PCDHA6: variants seen among roughly 807,000 people sequenced by gnomAD.
The protein encoded by PCDHA6 is protocadherin alpha 6, also known as protocadherin alpha-6.
PCDHA6 carries 55 observed loss-of-function variants against 60.3 expected under a neutral mutation model. The ratio of observed to expected loss-of-function variants is 0.91; its 90% CI spans 0.73 to 1.14. PCDHA6 has a LOEUF of 1.14. Ranked by LOEUF, PCDHA6 falls within the 50% of genes most tolerant of loss-of-function variation. The pLI is 0.00. For missense variants in PCDHA6, 1,327 were observed against 1,256.5 expected (o/e 1.06, Z -0.85); for synonymous variants, 652 against 557.9 (o/e 1.17, Z -2.38).
At chr5:140,835,408 A>T (rs2150235029) in intron 1 of PCDHA6, 3 of 1,614,004 alleles carry the variant, frequency 1.9e-6, no homozygotes, top group Non-Finnish European at 2.5e-6. Flanking sequence ...GAAGTTGTGG[A>T]TGTAAATGAC....
intron 1 of PCDHA6, among the ~76,000 whole-genome samples, chr5:140,832,430 A>G (rs1250957305): frequency 6.6e-6 from 1 of 152,222 alleles, no homozygotes; most frequent in Non-Finnish European, 1.5e-5. Context: ...AGTACATGAT[A>G]ATTTTTAAGC....
In PCDHA6 at chr5:140,839,940, AAGG is replaced by A. The variant is rs1354823324; in HGVS notation, c.2394+9458_2394+9460del. ...AACCTTGAACAAAGAGTGTGCCAAG[AAGG>A]AGACAACATATTTTCTGTAAAATAT... is the stretch of plus-strand genomic sequence containing the variant. On this transcript the variant is annotated intron_variant, in intron 1 of 3. Coordinates refer to ENST00000529310, the MANE Select transcript of PCDHA6 (RefSeq NM_018909.4). Among the ~76,000 whole-genome samples the A allele has an allele frequency of 2.0e-5, 3 of 152,174 alleles. No homozygotes were observed. In the East Asian group the frequency reaches 5.8e-4, roughly 29 times the overall value.
intron 1 of PCDHA6, chr5:140,857,675 C>A: frequency 1.3e-6 from 2 of 1,597,044 alleles, no homozygotes; most frequent in Non-Finnish European, 1.7e-6. Context: ...GGGCGTGCCG[C>A]CTCTGGGCAG....
At chr5:140,927,395 A>G (rs782188555) in intron 1 of PCDHA6, 3 of 1,614,194 alleles carry the variant, frequency 1.9e-6, no homozygotes, top group South Asian at 2.2e-5. Context: ...CCCAGTCAGC[A>G]CTTTCGCCTG....
chr5:140,951,150 ATAGT>A (rs33995910), intron 1 of PCDHA6, among the ~76,000 whole-genome samples: 85,202 of 151,324 alleles, frequency 0.56, 24,547 homozygotes, highest in African/African-American at 0.69. Context: ...CTTATTGAAT[ATAGT>A]TATAGTAGCT....
chr5:141,008,400 T>A (rs1347375750), intron 3 of PCDHA6, among the ~76,000 whole-genome samples: 3 of 152,082 alleles, frequency 2.0e-5, no homozygotes, highest in African/African-American at 7.2e-5. Context: ...GATGTCAGAG[T>A]TCCAATGTCA....
At chr5:140,892,350 T>C (rs1195187313) in intron 1 of PCDHA6, among the ~76,000 whole-genome samples, 1 of 152,262 alleles carries the variant, frequency 6.6e-6, no homozygotes, top group Non-Finnish European at 1.5e-5. Context: ...AATTGACTTT[T>C]GCCAGGCATC....
At chr5:140,838,077 AG>A (rs1404623081) in intron 1 of PCDHA6, among the ~76,000 whole-genome samples, 4 of 80,664 alleles carry the variant, frequency 5.0e-5, no homozygotes, top group African/African-American at 1.8e-4. Context: ...ATATATATAT[AG>A]TGTGTGTGTG....
In PCDHA6 at chr5:140,829,589, G is replaced by A. The variant is rs1770412729; in HGVS notation, c.1498G>A (p.Gly500Ser). Residue 500 changes from glycine (G) to serine (S), a missense_variant, in exon 1 of 4, where the codon GGC becomes AGC. Physicochemically the swap from Gly to Ser is moderately conservative, Grantham distance 56. Coordinates refer to ENST00000529310, the MANE Select transcript of PCDHA6 (RefSeq NM_018909.4). ...CTACTCGCTGGTGGAGCGGCGGGTGGGCGAGCGCGCGTTGTCGAGCTACAT... is the reference window on the plus strand; with the variant it reads ...CTACTCGCTGGTGGAGCGGCGGGTGAGCGAGCGCGCGTTGTCGAGCTACAT... ...VSYSLVERRVGERALSSYISV... is the reference protein window; with the variant it reads ...VSYSLVERRVSERALSSYISV... 3.7e-6 allele frequency: 6 copies of A among 1,611,976 alleles called. No individual in the cohort carries two copies. Among genetic ancestry groups the A allele is most frequent in the Non-Finnish European group, 5.1e-6 (6 of 1,179,792 alleles).
intron 1 of PCDHA6, among the ~76,000 whole-genome samples, chr5:140,902,684 A>G (rs1173996816): frequency 6.6e-6 from 1 of 152,100 alleles, no homozygotes; most frequent in Non-Finnish European, 1.5e-5. Flanking sequence ...ACCGTACCTA[A>G]TATGTGTAGT....
intron 1 of PCDHA6, among the ~76,000 whole-genome samples, chr5:140,878,958 T>C (rs2057789754): frequency 6.6e-6 from 1 of 152,208 alleles, no homozygotes; most frequent in Admixed American, 6.5e-5. Context: ...TTGAAATGTA[T>C]TACCTGGACA....
chr5:140,855,192 C>T (rs2150331288), intron 1 of PCDHA6, among the ~76,000 whole-genome samples: 1 of 149,878 alleles, frequency 6.7e-6, no homozygotes, highest in South Asian at 2.1e-4. Context: ...AAATTGAGGC[C>T]TGAGAATAGT....
intron 1 of PCDHA6, among the ~76,000 whole-genome samples, chr5:140,832,146 T>C (rs1554133466): frequency 6.6e-6 from 1 of 152,254 alleles, no homozygotes; most frequent in African/African-American, 2.4e-5. Flanking sequence ...AAAATTGAAT[T>C]AAGACTTGGA....
chr5:140,999,450 A>G (rs2097858332), intron 3 of PCDHA6, among the ~76,000 whole-genome samples: 1 of 152,198 alleles, frequency 6.6e-6, no homozygotes, highest in Admixed American at 6.5e-5. Flanking sequence ...TATTCGTTCA[A>G]CGAATAAGTG....
At chr5:140,895,964 C>T (rs2065282764) in intron 1 of PCDHA6, among the ~76,000 whole-genome samples, 2 of 152,120 alleles carry the variant, frequency 1.3e-5, no homozygotes, top group South Asian at 4.1e-4. Flanking sequence ...GTGCCTGTCA[C>T]CAGGCCTAGC....
At chr5:140,890,507 C>G (rs2153430728) in intron 1 of PCDHA6, among the ~76,000 whole-genome samples, 1 of 152,146 alleles carries the variant, frequency 6.6e-6, no homozygotes, top group African/African-American at 2.4e-5. Context: ...TTTTATGTCT[C>G]TATTTCCTTC....
rs112292443 is a variant in PCDHA6 at position 140,899,661 on chromosome 5, C to T, written c.2394+69176C>T. Among the ~76,000 whole-genome samples the T allele has an allele frequency of 4.4e-3, 665 of 152,224 alleles. 7 individuals carry two copies. Among genetic ancestry groups the T allele is most frequent in the African/African-American group, 0.015 (620 of 41,530 alleles). ...ATTCTCTTATTTGGTTGTGTCTCTGCCCGGCTTTGGTATCAGGATGATGCT... is the reference window on the plus strand; with the variant it reads ...ATTCTCTTATTTGGTTGTGTCTCTGTCCGGCTTTGGTATCAGGATGATGCT... On this transcript the variant is annotated intron_variant, in intron 1 of 3. Transcript: ENST00000529310.
Position 140,849,019 on chromosome 5 carries a change from A to G in PCDHA6, c.2394+18534A>G, listed in dbSNP as rs144148683. On this transcript the variant is annotated intron_variant, in intron 1 of 3. Coordinates refer to ENST00000529310, the MANE Select transcript of PCDHA6 (RefSeq NM_018909.4). ...CTGCTCACTTACAGACTGAGCCCCA[A>G]TGAGTATTTCTTCCTGGACGTGCCA... 14,073 of 1,587,530 alleles carry G rather than the reference A, an allele frequency of 8.9e-3. 240 individuals carry two copies. Among genetic ancestry groups the G allele is most frequent in the Non-Finnish European group, 0.011 (13,037 of 1,163,614 alleles).
intron 1 of PCDHA6, chr5:140,883,871 G>C: frequency 1.9e-6 from 3 of 1,613,242 alleles, no homozygotes; most frequent in Non-Finnish European, 2.5e-6. Context: ...GCAGTTCCAG[G>C]TGAGCGCGCG....
Sources: gnomAD v4.1 joint callset for allele counts (sites outside exome capture counted in the v4.1 genomes callset) on GRCh38, gnomAD v4.1.1 for gene constraint, MANE v1.5 for transcripts, NCBI Gene and HGNC (gene_info 2026-07-23, HGNC 2026-07-21) for gene names.